The following CR1L variants were observed in gnomAD, a reference collection of about 807,000 sequenced individuals.
CR1L encodes complement C3b/C4b receptor 1 like.
CR1L carries 59 observed loss-of-function variants against 62.3 expected under a neutral mutation model. The ratio of observed to expected loss-of-function variants is 0.95; its 90% CI spans 0.77 to 1.18. The LOEUF is 1.18. CR1L is among the 50% of genes most tolerant of loss of function. The pLI is 0.00. For synonymous variants in CR1L, 279 were observed against 248.7 expected, an observed-to-expected ratio of 1.12 and a Z score of -1.15; for missense variants, 700 against 702.8, an observed-to-expected ratio of 1.00 and a Z score of 0.04.
At chr1:207,691,125 A>G (rs1360161839) in intron 4 of CR1L, among the ~76,000 whole-genome samples, 1 of 152,202 alleles carries the variant, frequency 6.6e-6, no homozygotes, top group African/African-American at 2.4e-5. Context: ...GCAATCTTTA[A>G]GCAATCTTTA....
chr1:207,693,422 T>C (rs1480447405), intron 4 of CR1L, among the ~76,000 whole-genome samples: 3 of 152,222 alleles, frequency 2.0e-5, no homozygotes, highest in Non-Finnish European at 4.4e-5. Flanking sequence ...CAGGCCTGTA[T>C]AGCTTTTTGA....
At chr1:207,677,648 T>G in intron 2 of CR1L, 80 bp downstream of exon 2, 1 of 1,496,124 alleles carries the variant, frequency 6.7e-7, no homozygotes, top group Non-Finnish European at 9.1e-7. Context: ...ATTTTGTAAC[T>G]GAGTTGCATA....
intron 3 of CR1L, among the ~76,000 whole-genome samples, chr1:207,679,448 A>C (rs1663762403): frequency 6.6e-6 from 1 of 152,146 alleles, no homozygotes. Context: ...AGACATCCAT[A>C]TATTTCAGGG....
chr1:207,678,637 C>T (rs143518038), intron 3 of CR1L, among the ~76,000 whole-genome samples: 37 of 152,334 alleles, frequency 2.4e-4, no homozygotes, highest in African/African-American at 7.9e-4. Context: ...GGCCATTGAG[C>T]AGCTGTGTGA....
At chr1:207,672,166 A>G (rs748463668) in intron 1 of CR1L, among the ~76,000 whole-genome samples, 10 of 150,748 alleles carry the variant, frequency 6.6e-5, no homozygotes, top group Non-Finnish European at 1.2e-4. Context: ...TATAGACAAT[A>G]TATATTAAAA....
chr1:207,676,935 C>T (rs1444609961), intron 1 of CR1L, among the ~76,000 whole-genome samples: 2 of 152,050 alleles, frequency 1.3e-5, no homozygotes, highest in Non-Finnish European at 2.9e-5. Flanking sequence ...GAATTACAGA[C>T]ATGAGCCACC....
intron 1 of CR1L, among the ~76,000 whole-genome samples, chr1:207,653,982 G>T (rs1419506252): frequency 6.6e-6 from 1 of 152,144 alleles, no homozygotes; most frequent in East Asian, 1.9e-4. Context: ...AAAGCACAAG[G>T]GAGGGGCTCT....
chr1:207,669,513 C>T, intron 1 of CR1L: 3 of 1,581,158 alleles, frequency 1.9e-6, no homozygotes, highest in Non-Finnish European at 2.6e-6. Context: ...CCTTCTGCTG[C>T]GGAGGATCCC....
Position 207,722,513 on chromosome 1 carries a change from C to T in CR1L, c.1643-1105C>T, listed in dbSNP as rs371548275. Among the ~76,000 whole-genome samples, 36 of 150,018 alleles carry T rather than the reference C, an allele frequency of 2.4e-4. 1 individual carries two copies. The East Asian group carries it at 4.1e-3, about 17-fold the overall frequency. On this transcript the variant is annotated intron_variant, in intron 11 of 11. Transcript: ENST00000508064. ...AGATCAGATAGTTGTAGATATGCGG[C>T]GTTATTTCTGAGGGCTCTGTTCTGT...
At chr1:207,699,108 A>C in intron 7 of CR1L, 81 bp from the exon 8 acceptor site, 1 of 1,588,610 alleles carries the variant, frequency 6.3e-7, no homozygotes, top group Non-Finnish European at 8.6e-7. Flanking sequence ...AAATCCTGAA[A>C]TTGGGGCTGG....
chr1:207,717,955 A>G (rs1654043091), intron 11 of CR1L, among the ~76,000 whole-genome samples: 1 of 152,188 alleles, frequency 6.6e-6, no homozygotes, highest in South Asian at 2.1e-4. Context: ...GGTGAGGTCC[A>G]GATTTTGTAG....
intron 1 of CR1L, chr1:207,658,432 G>A (rs1361862265): frequency 2.6e-5 from 4 of 152,152 alleles, no homozygotes; most frequent in Non-Finnish European, 5.9e-5. Context: ...GAGAATGAAA[G>A]AAGTGGTGGT....
chr1:207,717,970 A>G (rs1272234915), intron 11 of CR1L, among the ~76,000 whole-genome samples: 1 of 152,098 alleles, frequency 6.6e-6, no homozygotes, highest in African/African-American at 2.4e-5. Context: ...TTGTAGAGAA[A>G]TTTTTGAAAG....
intron 1 of CR1L, among the ~76,000 whole-genome samples, chr1:207,650,006 G>A (rs1408548777): frequency 6.6e-6 from 1 of 152,094 alleles, no homozygotes; most frequent in African/African-American, 2.4e-5. Flanking sequence ...AACTTGTTTG[G>A]GGGGCGTGTG....
intron 3 of CR1L, among the ~76,000 whole-genome samples, chr1:207,682,566 C>A (rs550913409): frequency 5.8e-4 from 89 of 152,230 alleles, no homozygotes; most frequent in Non-Finnish European, 9.4e-4. Context: ...GCAGAAGGAC[C>A]CACTGTTGTC....
Position 207,717,499 on chromosome 1 carries a change from G to T in CR1L, c.1450G>T (p.Gly484Trp). The T allele has an allele frequency of 1.2e-6, 2 of 1,613,622 alleles. No homozygotes were observed. Among genetic ancestry groups the T allele is most frequent in the Non-Finnish European group, 1.7e-6 (2 of 1,179,630 alleles). The stretch of plus-strand genomic sequence containing the variant: ...TCCAAATCCTCCAGCTATCCTTAAT[G>T]GGAGACACACAGGAACTCCCCTTGG... ...FCPNPPAILNGRHTGTPLGDI... is the reference protein window; with the variant it reads ...FCPNPPAILNWRHTGTPLGDI... Residue 484 changes from glycine (G) to tryptophan (W), a missense_variant, in exon 11 of 12, where the codon GGG becomes TGG. Gly to Trp is a radical substitution (Grantham distance 184). Coordinates refer to ENST00000508064, the MANE Select transcript of CR1L (RefSeq NM_175710.2).
chr1:207,667,245 A>G (rs923438331), intron 1 of CR1L, among the ~76,000 whole-genome samples: 1 of 152,236 alleles, frequency 6.6e-6, no homozygotes, highest in Non-Finnish European at 1.5e-5. Flanking sequence ...TTAAAACAAC[A>G]CAAATCTATT....
At chr1:207,681,383 T>C (rs930931362) in intron 3 of CR1L, among the ~76,000 whole-genome samples, 6 of 152,212 alleles carry the variant, frequency 3.9e-5, no homozygotes, top group Non-Finnish European at 7.3e-5. Flanking sequence ...AAGGCTTCAA[T>C]CTGTTTAAAT....
chr1:207,701,438 G>T, intron 8 of CR1L, 81 bp from the exon 9 acceptor site: 1 of 1,548,266 alleles, frequency 6.5e-7, no homozygotes, highest in Non-Finnish European at 8.9e-7. Flanking sequence ...TCTTCAGGAA[G>T]CTACATGCAG....
Sources: gnomAD v4.1 joint callset for allele counts (sites outside exome capture counted in the v4.1 genomes callset) on GRCh38, gnomAD v4.1.1 for gene constraint, MANE v1.5 for transcripts, NCBI Gene and HGNC (gene_info 2026-07-23, HGNC 2026-07-21) for gene names.